DCBLD2: variants seen among roughly 807,000 people sequenced by gnomAD.
DCBLD2 encodes the protein discoidin, CUB and LCCL domain-containing protein 2.
Under a neutral mutation model 86.8 loss-of-function variants are expected in DCBLD2, and 54 were observed. That is an observed-to-expected ratio of 0.62 (90% CI 0.50 to 0.78). DCBLD2 has a LOEUF of 0.78. Among genes scored for constraint, DCBLD2 ranks in the 30% least tolerant of loss-of-function variants. The pLI is 0.00. For missense variants in DCBLD2, 908 were observed against 954.2 expected (o/e 0.95, Z 0.64); for synonymous variants, 354 against 341.3 (o/e 1.04, Z -0.41).
chr3:98,852,540 C>T (rs920987167), intron 2 of DCBLD2, among the ~76,000 whole-genome samples: 1 of 152,346 alleles, frequency 6.6e-6, no homozygotes, highest in Admixed American at 6.5e-5. Context: ...AGCCACCGCA[C>T]CCAGCCTTCT....
intron 14 of DCBLD2, 137 bp from the exon 15 acceptor site, chr3:98,800,853 CTTT>C (rs11374885): frequency 1.0e-3 from 871 of 838,838 alleles, no homozygotes; most frequent in South Asian, 1.4e-3. Context: ...TATAATCCAA[CTTT>C]TTTTTTTTTT....
In DCBLD2 at chr3:98,870,806, A is replaced by AAAGAAAGAAAGAAAGAAAGGAAGG. The variant is rs1559794673; in HGVS notation, c.433+10733_433+10734insCCTTCCTTTCTTTCTTTCTTTCTT. Among the ~76,000 whole-genome samples the AAAGAAAGAAAGAAAGAAAGGAAGG allele has an allele frequency of 2.0e-3, 250 of 123,392 alleles. 1 individual carries two copies. Among genetic ancestry groups the AAAGAAAGAAAGAAAGAAAGGAAGG allele is most frequent in the Middle Eastern group, 4.1e-3 (1 of 244 alleles). 80.9% of individuals were successfully genotyped at this position (123,392 alleles called of 152,430 possible). A position where few individuals can be genotyped will look rare whatever the true frequency, so the allele number is the denominator to read the frequency against. On this transcript the variant is annotated intron_variant, in intron 2 of 15. Transcript: ENST00000326840. ...GAAAGAAAGAAAGAAAGAAAGAAAG[A>AAAGAAAGAAAGAAAGAAAGGAAGG]AAGAAAGGTAGGCAGGCATTGGTGG... is the stretch of plus-strand genomic sequence containing the variant.
intron 3 of DCBLD2, among the ~76,000 whole-genome samples, chr3:98,843,921 A>G (rs1942668917): frequency 6.6e-6 from 1 of 152,098 alleles, no homozygotes; most frequent in African/African-American, 2.4e-5. Context: ...ACTGAGCACT[A>G]CAAAATTTCG....
Position 98,831,241 on chromosome 3 carries a change from G to A in DCBLD2, c.572-5875C>T, listed in dbSNP as rs367680172. 8.4e-4 allele frequency among the ~76,000 whole-genome samples: 125 copies of A among 149,664 alleles called. 2 individuals are homozygous for A. The South Asian group carries it at 9.7e-3, about 12-fold the overall frequency. On this transcript the variant is annotated intron_variant, in intron 3 of 15. Transcript: ENST00000326840. Reference sequence around the variant, plus strand: ...TTTTTTTGGTATTTTTAGTAGAGACGAGGTTTCATCATGTCAGCCAGGCTC... The same window carrying A: ...TTTTTTTGGTATTTTTAGTAGAGACAAGGTTTCATCATGTCAGCCAGGCTC...
chr3:98,856,376 GA>G (rs1165633214), intron 2 of DCBLD2, among the ~76,000 whole-genome samples: 2 of 151,010 alleles, frequency 1.3e-5, no homozygotes, highest in East Asian at 3.9e-4. Context: ...TCTCTCAGAA[GA>G]AAAAAAAGAA....
chr3:98,836,201 C>T (rs979949016), intron 3 of DCBLD2, among the ~76,000 whole-genome samples: 16 of 143,258 alleles, frequency 1.1e-4, no homozygotes, highest in South Asian at 4.6e-4. Context: ...GCTTCCCTGC[C>T]GGCAGGTGCT....
At chr3:98,896,779 T>C (rs1264295507) in intron 1 of DCBLD2, among the ~76,000 whole-genome samples, 1 of 152,168 alleles carries the variant, frequency 6.6e-6, no homozygotes, top group Non-Finnish European at 1.5e-5. Flanking sequence ...ATCAGAAAAA[T>C]TGCCAAATTG....
In DCBLD2 at chr3:98,839,102, C is replaced by CTTCTTTCTTTCT. The variant is rs148957784; in HGVS notation, c.571+10347_571+10358dup. On this transcript the variant is annotated intron_variant, in intron 3 of 15. Transcript: ENST00000326840. ...GACCTTACCCCCAACCCTGTGCTCC[C>CTTCTTTCTTTCT]TTCTTTCTTTCTTTCTTTTTCTTTC... 9.0e-3 allele frequency among the ~76,000 whole-genome samples: 1,132 copies of CTTCTTTCTTTCT among 125,968 alleles called. 17 individuals carry two copies. Among genetic ancestry groups the CTTCTTTCTTTCT allele is most frequent in the Middle Eastern group, 0.029 (7 of 240 alleles). The allele number at this position is 125,968 out of a possible 152,430, so 82.6% of individuals were successfully genotyped here.
At chr3:98,813,431 A>C (rs894308608) in intron 9 of DCBLD2, 1 of 152,106 alleles carries the variant, frequency 6.6e-6, no homozygotes, top group African/African-American at 2.4e-5. Context: ...TAATTTTTGC[A>C]TTTTTAGTAG....
rs1483063834 is a variant in DCBLD2 at position 98,886,799 on chromosome 3, A to ACCC, written c.206-5033_206-5032insGGG. On this transcript the variant is annotated intron_variant, in intron 1 of 15. Transcript: ENST00000326840. ...ACAAATTTTGATATTATTACAGGAA[A>ACCC]ACCCCCCCCCTTTTTTTTTTTTTTT... Among the ~76,000 whole-genome samples the ACCC allele has an allele frequency of 2.4e-4, 25 of 102,370 alleles. No homozygotes were observed. The South Asian group carries it at 4.4e-3, about 18-fold the overall frequency. The allele number at this position is 102,370 out of a possible 152,430, so 67.2% of individuals were successfully genotyped here.
At chr3:98,880,612 T>C (rs531384503) in intron 2 of DCBLD2, among the ~76,000 whole-genome samples, 1 of 152,316 alleles carries the variant, frequency 6.6e-6, no homozygotes, top group Non-Finnish European at 1.5e-5. Flanking sequence ...GTGGCTCTAA[T>C]ATGCAGCTAT....
Position 98,849,564 on chromosome 3 carries a change from A to G in DCBLD2, c.468T>C (p.His156=), listed in dbSNP as rs766683904. 1 of 1,613,628 alleles carries G rather than the reference A, an allele frequency of 6.2e-7. No homozygotes were observed. The highest frequency in any genetic ancestry group is 1.3e-5 in the African/African-American group (1 of 74,924). ...TTTCATTGCCTTTTGATTCAATTGAATGGTTCATTTGCAACCCCAGACCAC... is the reference window on the plus strand; with the variant it reads ...TTTCATTGCCTTTTGATTCAATTGAGTGGTTCATTTGCAACCCCAGACCAC... ...KYCGLGLQMN[H]SIESKGNEIT... The change falls in exon 3 of 16, where the codon CAT becomes CAC. Residue 156 remains histidine, a synonymous_variant. Transcript: ENST00000326840.
rs1175847991 is a variant in DCBLD2, at chr3:98,881,680, A to G, written c.293T>C (p.Val98Ala). ...CTTTACACGGATCTCCCATTCACAA[A>G]CAGTGCTGTTGGGATAGGTCTGTGG... is the stretch of plus-strand genomic sequence containing the variant. ...NYPQTYPNST[V>A]CEWEIRVKMG... is the part of the protein sequence containing the mutation. The change falls in exon 2 of 16, where the codon GTT becomes GCT. Residue 98 changes from valine (V) to alanine (A), a missense_variant. Physicochemically the swap from Val to Ala is moderately conservative, Grantham distance 64. Coordinates refer to ENST00000326840, the MANE Select transcript of DCBLD2 (RefSeq NM_080927.4). 6.2e-7 allele frequency: 1 copy of G among 1,613,922 alleles called. No individual in the cohort carries two copies. The highest frequency in any genetic ancestry group is 1.1e-5 in the South Asian group (1 of 91,072).
intron 2 of DCBLD2, among the ~76,000 whole-genome samples, chr3:98,849,991 T>C (rs1007076545): frequency 1.8e-4 from 28 of 152,188 alleles, no homozygotes; most frequent in African/African-American, 6.8e-4. Flanking sequence ...ACCCCTTAGA[T>C]TCCAGCCTCA....
intron 1 of DCBLD2, among the ~76,000 whole-genome samples, chr3:98,888,323 T>C (rs1042059546): frequency 2.0e-5 from 3 of 151,906 alleles, no homozygotes; most frequent in African/African-American, 7.2e-5. Context: ...CTGAATAACA[T>C]GAAGGAATGT....
intron 1 of DCBLD2, among the ~76,000 whole-genome samples, chr3:98,884,641 T>C (rs1368320294): frequency 6.6e-6 from 1 of 152,074 alleles, no homozygotes; most frequent in Non-Finnish European, 1.5e-5. Flanking sequence ...CCCTTACTAC[T>C]GAAAAGATGA....
chr3:98,822,598 TCTAA>T lies in DCBLD2; in HGVS notation c.696+67_696+70del, dbSNP rs1183968737. The T allele has an allele frequency of 7.1e-6, 10 of 1,414,204 alleles. No individual in the cohort carries two copies. In the Admixed American group the frequency reaches 9.9e-5, roughly 14 times the overall value. The allele number at this position is 1,414,204 out of a possible 1,614,324, so 87.6% of individuals were successfully genotyped here. A position where few individuals can be genotyped will look rare whatever the true frequency, so the allele number is the denominator to read the frequency against. On this transcript the variant is annotated intron_variant, in intron 5 of 15. Transcript: ENST00000326840. ...GATAAGGATATATGATTAACACACC[TCTAA>T]CTACTCTGGAGTTCTAAAAAAATAG...
At chr3:98,887,532 T>A (rs1943584242) in intron 1 of DCBLD2, among the ~76,000 whole-genome samples, 2 of 152,002 alleles carry the variant, frequency 1.3e-5, no homozygotes, top group Admixed American at 6.6e-5. Flanking sequence ...CCCTGGTAAT[T>A]TTCCTTGTTC....
At chr3:98,838,032 G>A (rs1942510427) in intron 3 of DCBLD2, among the ~76,000 whole-genome samples, 1 of 120,112 alleles carries the variant, frequency 8.3e-6, no homozygotes, top group African/African-American at 3.2e-5. Flanking sequence ...CGGGGCGGCT[G>A]GCCGGGCGGG....
Sources: gnomAD v4.1 joint callset for allele counts (sites outside exome capture counted in the v4.1 genomes callset) on GRCh38, gnomAD v4.1.1 for gene constraint, MANE v1.5 for transcripts, NCBI Gene and HGNC (gene_info 2026-07-23, HGNC 2026-07-21) for gene names.